Variants in MACC1 observed in about 807,000 individuals in gnomAD.
MACC1 encodes the protein MET transcriptional regulator MACC1, also known as metastasis-associated in colon cancer protein 1.
A neutral mutation model predicts 70.7 loss-of-function variants in MACC1; 79 were observed. The ratio of observed to expected loss-of-function variants is 1.12; its 90% CI spans 0.93 to 1.35. The LOEUF (loss-of-function observed/expected upper bound fraction) is 1.35, where lower values mean the gene tolerates loss of function less well. Among genes scored for constraint, MACC1 ranks in the 40% most tolerant of loss-of-function variants. The pLI is 0.00. For synonymous variants in MACC1, 361 were observed against 347.2 expected (o/e 1.04, Z -0.44); for missense variants, 1,106 against 978.1 (o/e 1.13, Z -1.74).
chr7:20,209,070 A>G (rs1252216878), intron 1 of MACC1, among the ~76,000 whole-genome samples: 3 of 152,186 alleles, frequency 2.0e-5, no homozygotes, highest in African/African-American at 7.2e-5. Flanking sequence ...GATGTATGGA[A>G]ATGCCTGGAT....
chr7:20,154,789 G>A lies in MACC1; in HGVS notation c.2158-408C>T, dbSNP rs147128580. 7.7e-3 allele frequency among the ~76,000 whole-genome samples: 1,171 copies of A among 152,216 alleles called. 62 individuals are homozygous for A. The highest frequency in any genetic ancestry group is 0.072 in the Admixed American group (1,094 of 15,270). On this transcript the variant is annotated intron_variant, in intron 5 of 6. Transcript: ENST00000400331. ...CAAGAAATAAAGCCTCGTTCTAGGA[G>A]AGGATTGGCTACAAGAATTTCTTTA...
At chr7:20,146,948 A>G (rs1781900930) in intron 6 of MACC1, among the ~76,000 whole-genome samples, 1 of 152,202 alleles carries the variant, frequency 6.6e-6, no homozygotes, top group Admixed American at 6.5e-5. Flanking sequence ...ATAAAAGCAC[A>G]AAGTTGTTAA....
intron 6 of MACC1, among the ~76,000 whole-genome samples, chr7:20,145,189 C>T (rs1454806057): frequency 6.6e-6 from 1 of 152,138 alleles, no homozygotes; most frequent in African/African-American, 2.4e-5. Flanking sequence ...GCCAGTGTAA[C>T]ACTGAGGACT....
chr7:20,190,851 C>T (rs1782662044), intron 1 of MACC1, among the ~76,000 whole-genome samples: 1 of 152,118 alleles, frequency 6.6e-6, no homozygotes, highest in South Asian at 2.1e-4. Flanking sequence ...AGTATCACTC[C>T]CAAGAATGTT....
chr7:20,150,669 C>G (rs1781962197), intron 6 of MACC1: 1 of 152,188 alleles, frequency 6.6e-6, no homozygotes, highest in Non-Finnish European at 1.5e-5. Context: ...GTGGCCCATT[C>G]TGGCAGGTCA....
chr7:20,168,760 A>G (rs1782259043), intron 2 of MACC1, among the ~76,000 whole-genome samples: 1 of 152,204 alleles, frequency 6.6e-6, no homozygotes, highest in African/African-American at 2.4e-5. Flanking sequence ...CCAAAAGGAC[A>G]GGACCTAGTC....
chr7:20,136,887 T>G lies in MACC1; in HGVS notation c.*4059A>C, dbSNP rs1374287351. 7.1e-6 allele frequency: 1 copy of G among 140,756 alleles called. No individual in the cohort carries two copies. The highest frequency in any genetic ancestry group is 1.6e-5 in the Non-Finnish European group (1 of 62,188). The allele number at this position is 140,756 out of a possible 1,614,324, so 8.7% of individuals were successfully genotyped here. On this transcript the variant is annotated 3_prime_UTR_variant, in exon 7 of 7. Transcript: ENST00000400331. ...TTCTTAAAGATTATTAATTATAATA[T>G]TAAATTATATTATTAATTCTTAAAG...
At chr7:20,185,863 G>C (rs570637999) in intron 1 of MACC1, among the ~76,000 whole-genome samples, 1 of 152,156 alleles carries the variant, frequency 6.6e-6, no homozygotes, top group Non-Finnish European at 1.5e-5. Flanking sequence ...TGCAGTTGGG[G>C]AGACTGAGAT....
chr7:20,153,880 T>G (rs1411308600), intron 6 of MACC1, among the ~76,000 whole-genome samples: 1 of 152,188 alleles, frequency 6.6e-6, no homozygotes. Flanking sequence ...AAAATTTACC[T>G]GTTTTATGAC....
chr7:20,142,920 T>C (rs916721844), intron 6 of MACC1, among the ~76,000 whole-genome samples: 2 of 152,222 alleles, frequency 1.3e-5, no homozygotes, highest in Admixed American at 1.3e-4. Context: ...CTGCTAGTGA[T>C]TGAGTCTGAT....
intron 1 of MACC1, among the ~76,000 whole-genome samples, chr7:20,174,969 G>A (rs1051074871): frequency 6.6e-6 from 1 of 151,918 alleles, no homozygotes; most frequent in African/African-American, 2.4e-5. Context: ...TTCATATGTT[G>A]TATATCACAT....
chr7:20,164,454 A>G (rs1782183805), intron 2 of MACC1, 55 bp from the exon 3 acceptor site: 1 of 152,234 alleles, frequency 6.6e-6, no homozygotes, highest in Non-Finnish European at 1.5e-5. Flanking sequence ...AAAAGGAATA[A>G]AAGAAAAAGA....
intron 1 of MACC1, among the ~76,000 whole-genome samples, chr7:20,172,495 A>G (rs544624083): frequency 9.4e-4 from 143 of 152,290 alleles, no homozygotes; most frequent in African/African-American, 3.4e-3. Context: ...ACATATATAT[A>G]CACACATATA....
In MACC1 at chr7:20,138,637, T is replaced by C. The variant is rs1249716185; in HGVS notation, c.*2309A>G. The C allele has an allele frequency of 6.6e-6, 1 of 152,138 alleles. No homozygotes were observed. Among genetic ancestry groups the C allele is most frequent in the Non-Finnish European group, 1.5e-5 (1 of 68,016 alleles). The allele number at this position is 152,138 out of a possible 1,614,324, so 9.4% of individuals were successfully genotyped here. ...TATACATAATTATTTGGTCAGGCTGTGTTCCCTTATAATCAAATATAAATA... is the reference window on the plus strand; with the variant it reads ...TATACATAATTATTTGGTCAGGCTGCGTTCCCTTATAATCAAATATAAATA... On this transcript the variant is annotated 3_prime_UTR_variant, in exon 7 of 7. Coordinates refer to ENST00000400331, the MANE Select transcript of MACC1 (RefSeq NM_182762.4).
rs947418224 is a variant in MACC1 at position 20,154,459 on chromosome 7, A to G, written c.2158-78T>C. On this transcript the variant is annotated intron_variant, in intron 5 of 6. Transcript: ENST00000400331. ...CTCTATAAATTGGAATTTTTATTAC[A>G]TATTCTACAAATGGGAGTCCTTTTT... is the stretch of plus-strand genomic sequence containing the variant. 2.2e-6 allele frequency: 3 copies of G among 1,390,440 alleles called. No individual in the cohort carries two copies. The African/African-American group carries it at 4.4e-5, about 20-fold the overall frequency. 86.1% of individuals were successfully genotyped at this position (1,390,440 alleles called of 1,614,324 possible).
chr7:20,143,338 A>G (rs1645381878), intron 6 of MACC1, among the ~76,000 whole-genome samples: 1 of 152,210 alleles, frequency 6.6e-6, no homozygotes, highest in Non-Finnish European at 1.5e-5. Flanking sequence ...ACTTACGCAG[A>G]GCACCACATA....
rs1425118725 is a variant in MACC1 at position 20,135,019 on chromosome 7, GC to G, written c.*5926del. ...AACACTTTCTAATTCTACAGTGAAA[GC>G]AGGGCATATAGATAGCTGTATTGAT... On this transcript the variant is annotated 3_prime_UTR_variant, in exon 7 of 7. Transcript: ENST00000400331. The G allele has an allele frequency of 6.6e-6, 1 of 152,208 alleles. No individual in the cohort carries two copies. The highest frequency in any genetic ancestry group is 2.4e-5 in the African/African-American group (1 of 41,464). 9.4% of individuals were successfully genotyped at this position (152,208 alleles called of 1,614,324 possible). A position where few individuals can be genotyped will look rare whatever the true frequency, so the allele number is the denominator to read the frequency against.
Position 20,158,398 on chromosome 7 carries a change from T to G in MACC1, c.1963A>C (p.Thr655Pro). Residue 655 changes from threonine (T) to proline (P), a missense_variant, in exon 5 of 7, where the codon ACC becomes CCC. Physicochemically the swap from Thr to Pro is conservative, Grantham distance 38 (BLOSUM62 -1). Coordinates refer to ENST00000400331, the MANE Select transcript of MACC1 (RefSeq NM_182762.4). ...KLTYIYSVVL[T>P]LVSEKVYDWK... ...TCATAAACTTTTTCTGACACCAAGG[T>G]TAATACAACTGAGTAGATATAAGTC... The G allele has an allele frequency of 6.2e-7, 1 of 1,613,826 alleles. No homozygotes were observed. Among genetic ancestry groups the G allele is most frequent in the Non-Finnish European group, 8.5e-7 (1 of 1,179,960 alleles).
intron 6 of MACC1, among the ~76,000 whole-genome samples, chr7:20,142,951 T>A (rs1363823653): frequency 6.6e-6 from 1 of 152,222 alleles, no homozygotes; most frequent in Admixed American, 6.5e-5. Context: ...TTTGAAGATA[T>A]TTTATGATAA....
Sources: gnomAD v4.1 joint callset for allele counts (sites outside exome capture counted in the v4.1 genomes callset) on GRCh38, gnomAD v4.1.1 for gene constraint, MANE v1.5 for transcripts, NCBI Gene and HGNC (gene_info 2026-07-23, HGNC 2026-07-21) for gene names.